DOCK7: variants seen among roughly 807,000 people sequenced by gnomAD.
DOCK7 encodes the protein dedicator of cytokinesis protein 7.
Under a neutral mutation model 271.0 loss-of-function variants are expected in DOCK7, and 138 were observed. That is an observed-to-expected ratio of 0.51 (90% CI 0.44 to 0.59). DOCK7 has a LOEUF of 0.59. Ranked by LOEUF, DOCK7 falls within the 20% of genes least tolerant of loss-of-function variation. The probability of loss-of-function intolerance (pLI) is 0.00; values close to 1 mark genes in which losing one functional copy is unlikely to be tolerated. For missense variants in DOCK7, 2,066 were observed against 2,592.4 expected (o/e 0.80, Z 4.41); for synonymous variants, 823 against 876.1 (o/e 0.94, Z 1.07).
At chr1:62,606,341 C>T (rs1650988509) in intron 14 of DOCK7, among the ~76,000 whole-genome samples, 1 of 150,872 alleles carries the variant, frequency 6.6e-6, no homozygotes, top group African/African-American at 2.4e-5. Context: ...TCTCATAGGA[C>T]ATGTTTCATT....
intron 1 of DOCK7, 77 bp downstream of exon 1, chr1:62,688,150 T>C (rs1057390538): frequency 1.6e-6 from 2 of 1,235,984 alleles, no homozygotes; most frequent in Non-Finnish European, 2.0e-6. Context: ...CCCACCCGCC[T>C]CCTAGGCCAG....
At chr1:62,530,529 C>T (rs1191655314) in intron 29 of DOCK7, 1 of 152,182 alleles carries the variant, frequency 6.6e-6, no homozygotes, top group Admixed American at 6.5e-5. Context: ...ATTGTATCTG[C>T]CATTTTACAA....
chr1:62,550,936 G>A (rs1004995601), intron 22 of DOCK7, among the ~76,000 whole-genome samples: 2 of 151,982 alleles, frequency 1.3e-5, no homozygotes, highest in African/African-American at 4.8e-5. Flanking sequence ...GGCCAGGCTG[G>A]TTTTGAACTC....
chr1:62,561,494 A>G, intron 19 of DOCK7, 123 bp downstream of exon 19: 2 of 461,846 alleles, frequency 4.3e-6, no homozygotes, highest in Non-Finnish European at 7.4e-6. Flanking sequence ...ACTGACATAT[A>G]TTCTCATAAA....
chr1:62,601,964 G>T, intron 14 of DOCK7: 1 of 803,728 alleles, frequency 1.2e-6, no homozygotes. Context: ...GGTTATCATT[G>T]TTTTATACAT....
At chr1:62,497,752 G>C (rs1230697112) in intron 37 of DOCK7, among the ~76,000 whole-genome samples, 1 of 152,164 alleles carries the variant, frequency 6.6e-6, no homozygotes, top group African/African-American at 2.4e-5. Context: ...GTAAAATGCA[G>C]ATCTGAACAT....
chr1:62,511,310 T>C (rs1243310997), intron 33 of DOCK7: 1 of 152,232 alleles, frequency 6.6e-6, no homozygotes, highest in Non-Finnish European at 1.5e-5. Flanking sequence ...GAAGGCAGAC[T>C]GCATGTATGG....
chr1:62,546,683 G>C (rs1645719327), intron 22 of DOCK7, among the ~76,000 whole-genome samples: 1 of 152,012 alleles, frequency 6.6e-6, no homozygotes, highest in Non-Finnish European at 1.5e-5. Context: ...TTCTTAAAAT[G>C]CTTTCTATCA....
chr1:62,473,264 A>G (rs1645880796), intron 48 of DOCK7, among the ~76,000 whole-genome samples: 2 of 152,220 alleles, frequency 1.3e-5, no homozygotes, highest in African/African-American at 2.4e-5. Context: ...GGAAAAGCAC[A>G]ATTAATGATA....
At chr1:62,618,604 C>T (rs1385026689) in intron 14 of DOCK7, 102 bp downstream of exon 14, 1 of 1,083,642 alleles carries the variant, frequency 9.2e-7, no homozygotes, top group Non-Finnish European at 1.3e-6. Context: ...AGTTAAGTAA[C>T]AAAACTACTT....
chr1:62,534,382 G>A (rs1458955579), intron 29 of DOCK7, among the ~76,000 whole-genome samples: 3 of 152,118 alleles, frequency 2.0e-5, no homozygotes, highest in Non-Finnish European at 4.4e-5. Flanking sequence ...GGGAGGCCGA[G>A]GCGGGCTGAT....
intron 48 of DOCK7, among the ~76,000 whole-genome samples, chr1:62,470,769 C>T (rs886408884): frequency 2.0e-5 from 3 of 151,976 alleles, no homozygotes; most frequent in African/African-American, 7.2e-5. Context: ...CCAGCTTGGG[C>T]AACATAGCGA....
Position 62,538,023 on chromosome 1 carries a change from A to G in DOCK7, c.3339T>C (p.Val1113=). The G allele has an allele frequency of 6.2e-7, 1 of 1,614,032 alleles. No individual in the cohort carries two copies. The highest frequency in any genetic ancestry group is 8.5e-7 in the Non-Finnish European group (1 of 1,179,926). The change falls in exon 28 of 50, where the codon GTT becomes GTC. Residue 1113 remains valine (V), a synonymous_variant. Coordinates refer to ENST00000635253, the MANE Select transcript of DOCK7 (RefSeq NM_001367561.1). ...SKLYSLPNPS[V]LVSLRLDFLR... The stretch of plus-strand genomic sequence containing the variant: ...GAAAATCCAGCCTCAAGGACACCAG[A>G]ACACTGGGATTCGGTAATGAGTAAA...
intron 48 of DOCK7, among the ~76,000 whole-genome samples, chr1:62,466,747 C>G (rs1053531887): frequency 2.6e-5 from 4 of 152,070 alleles, no homozygotes; most frequent in Non-Finnish European, 4.4e-5. Context: ...GCCTGACCAA[C>G]ATGGCAAGAC....
At position 62,504,756 on chromosome 1, in the gene DOCK7, C is replaced by T. The variant is rs768697066; in HGVS notation, c.4638G>A (p.Glu1546=). The T allele has an allele frequency of 1.2e-6, 2 of 1,613,428 alleles. No homozygotes were observed. The highest frequency in any genetic ancestry group is 1.7e-6 in the Non-Finnish European group (2 of 1,179,862). ...GGCATAAATCAGCACACTGCTCTGT[C>T]TCTTCTTCAAATAAGAGTTCAGGAA... is the stretch of plus-strand genomic sequence containing the variant. ...SKFPELLFEE[E]TEQCADLCLR... is the part of the protein sequence containing the mutation. Residue 1546 remains glutamate, a synonymous_variant, in exon 37 of 50, where the codon GAG becomes GAA. Coordinates refer to ENST00000635253, the MANE Select transcript of DOCK7 (RefSeq NM_001367561.1).
At chr1:62,636,205 T>C (rs932104830) in intron 8 of DOCK7, among the ~76,000 whole-genome samples, 2 of 152,194 alleles carry the variant, frequency 1.3e-5, no homozygotes, top group African/African-American at 4.8e-5. Context: ...TGGTGAGAAT[T>C]TGAAAATCAT....
At chr1:62,488,795 C>A in intron 42 of DOCK7, 139 bp downstream of exon 42, 1 of 1,091,092 alleles carries the variant, frequency 9.2e-7, no homozygotes, top group Admixed American at 1.9e-5. Context: ...TGGCCATGAA[C>A]TATCATTTTG....
Position 62,455,224 on chromosome 1 carries a change from C to T in DOCK7, c.*190G>A. 1 of 702,394 alleles carries T rather than the reference C, an allele frequency of 1.4e-6. No homozygotes were observed. Among genetic ancestry groups the T allele is most frequent in the Non-Finnish European group, 2.5e-6 (1 of 396,424 alleles). The allele number at this position is 702,394 out of a possible 1,614,324, so 43.5% of individuals were successfully genotyped here. The stretch of plus-strand genomic sequence containing the variant: ...GTCTTAAAAGATAACAGCTTGTTAC[C>T]AGAACATTAGAAACCATAGCCATGA... On this transcript the variant is annotated 3_prime_UTR_variant, in exon 50 of 50. Coordinates refer to ENST00000635253, the MANE Select transcript of DOCK7 (RefSeq NM_001367561.1).
chr1:62,457,491 AG>A (rs1416068921), intron 49 of DOCK7, 46 bp downstream of exon 49: 1 of 1,556,432 alleles, frequency 6.4e-7, no homozygotes, highest in South Asian at 1.1e-5. Context: ...TTAACATGTT[AG>A]GTTTCAGAGG....
Sources: allele counts gnomAD v4.1 joint callset (sites outside exome capture counted in the v4.1 genomes callset), GRCh38; gene constraint gnomAD v4.1.1; transcripts MANE v1.5; gene names NCBI Gene and HGNC (gene_info 2026-07-23, HGNC 2026-07-21).